The following ARHGAP8 variants were observed in gnomAD, a reference collection of about 807,000 sequenced individuals.
ARHGAP8 encodes rho GTPase-activating protein 8.
A neutral mutation model predicts 46.1 loss-of-function variants in ARHGAP8; 62 were observed. The observed-to-expected ratio is 1.34, with a 90% CI of 1.10 to 1.66. The LOEUF (loss-of-function observed/expected upper bound fraction) is 1.66. Ranked by LOEUF, ARHGAP8 falls within the 40% of genes most tolerant of loss-of-function variation. The probability of loss-of-function intolerance (pLI) is 0.00; values close to 1 mark genes in which losing one functional copy is unlikely to be tolerated. For missense variants in ARHGAP8, 923 were observed against 568.4 expected, an observed-to-expected ratio of 1.62 and a Z score of -6.34; for synonymous variants, 375 against 243.1, an observed-to-expected ratio of 1.54 and a Z score of -5.05.
At position 44,782,717 on chromosome 22, in the gene ARHGAP8, G is replaced by A. The variant is rs552881674; in HGVS notation, c.-71-3740G>A. Among the ~76,000 whole-genome samples, 7 of 152,288 alleles carry A rather than the reference G, an allele frequency of 4.6e-5. No homozygotes were observed. The East Asian group carries it at 5.8e-4, about 13-fold the overall frequency. ...TAATATTTCACCATATGGCTGGACC[G>A]CACGTGGCTTATCCATCCATCCACT... On this transcript the variant is annotated intron_variant, in intron 1 of 11. Coordinates refer to ENST00000356099, the MANE Select transcript of ARHGAP8 (RefSeq NM_181335.3).
At chr22:44,796,838 G>A (rs1232813578) in intron 2 of ARHGAP8, among the ~76,000 whole-genome samples, 1 of 152,210 alleles carries the variant, frequency 6.6e-6, no homozygotes, top group Non-Finnish European at 1.5e-5. Flanking sequence ...ATTATCAAAT[G>A]TGAAGGGATT....
chr22:44,806,271 T>C (rs1928913171), intron 3 of ARHGAP8, among the ~76,000 whole-genome samples: 2 of 152,210 alleles, frequency 1.3e-5, no homozygotes, highest in African/African-American at 4.8e-5. Flanking sequence ...TATGCCCCGG[T>C]GGCTTAGCCC....
chr22:44,826,513 C>T (rs113292322), intron 7 of ARHGAP8, among the ~76,000 whole-genome samples: 2,786 of 152,240 alleles, frequency 0.018, 43 homozygotes, highest in Middle Eastern at 0.048. Flanking sequence ...CAACCTCCGC[C>T]TCCTGGGTTC....
chr22:44,849,197 G>C, intron 10 of ARHGAP8, 137 bp downstream of exon 10: 1 of 1,488,920 alleles, frequency 6.7e-7, no homozygotes, highest in Non-Finnish European at 9.0e-7. Context: ...TGGCACTGCA[G>C]GGCAAGAGAG....
At chr22:44,847,578 G>C (rs136681) in intron 8 of ARHGAP8, among the ~76,000 whole-genome samples, 1 of 152,122 alleles carries the variant, frequency 6.6e-6, no homozygotes, top group Non-Finnish European at 1.5e-5. Flanking sequence ...GTGTCTGGAC[G>C]TCTCCCAGGT....
intron 7 of ARHGAP8, among the ~76,000 whole-genome samples, chr22:44,835,217 T>C (rs957438841): frequency 7.0e-6 from 1 of 142,534 alleles, no homozygotes; most frequent in African/African-American, 2.7e-5. Context: ...TGTTTCAATT[T>C]TTTGTTTCTT....
intron 7 of ARHGAP8, among the ~76,000 whole-genome samples, chr22:44,829,308 A>AG (rs1227177817): frequency 2.4e-4 from 36 of 151,826 alleles, no homozygotes; most frequent in African/African-American, 8.5e-4. Context: ...AAAAAAAAAA[A>AG]AGAAAAAGAA....
At chr22:44,796,636 G>C (rs1241110956) in intron 2 of ARHGAP8, among the ~76,000 whole-genome samples, 2 of 152,112 alleles carry the variant, frequency 1.3e-5, no homozygotes, top group Non-Finnish European at 2.9e-5. Flanking sequence ...AGTTGGTGAT[G>C]CTATGATGAT....
At chr22:44,796,184 C>T (rs546239588) in intron 2 of ARHGAP8, among the ~76,000 whole-genome samples, 11 of 152,298 alleles carry the variant, frequency 7.2e-5, no homozygotes, top group Admixed American at 3.9e-4. Context: ...CCAGAGCAGA[C>T]GCTGTTCTGC....
At chr22:44,848,103 C>T (rs945913726) in intron 9 of ARHGAP8, 53 bp downstream of exon 9, 13 of 1,594,230 alleles carry the variant, frequency 8.2e-6, no homozygotes, top group South Asian at 4.4e-5. Context: ...GCGAGCACAG[C>T]GCTCCGGGGC....
intron 1 of ARHGAP8, among the ~76,000 whole-genome samples, chr22:44,780,007 G>A (rs1045930231): frequency 3.3e-5 from 5 of 152,182 alleles, no homozygotes; most frequent in Admixed American, 2.6e-4. Flanking sequence ...CCCAGGCTGG[G>A]ACCCCAAGAG....
intron 4 of ARHGAP8, among the ~76,000 whole-genome samples, chr22:44,813,776 CATACACCT>C (rs1380395193): frequency 5.3e-5 from 7 of 132,862 alleles, no homozygotes; most frequent in Admixed American, 1.6e-4. Context: ...CTTACACCTA[CATACACCT>C]ACACACACAT....
intron 7 of ARHGAP8, among the ~76,000 whole-genome samples, chr22:44,842,838 G>C (rs1028422375): frequency 4.6e-5 from 7 of 152,312 alleles, no homozygotes; most frequent in African/African-American, 1.4e-4. Flanking sequence ...TCAGTGCAAA[G>C]GCTCACATCA....
intron 2 of ARHGAP8, among the ~76,000 whole-genome samples, chr22:44,792,275 G>C (rs2147060561): frequency 1.3e-5 from 2 of 152,250 alleles, no homozygotes; most frequent in Middle Eastern, 6.8e-3. Context: ...CTCCCAAAGT[G>C]CTGGGATTAC....
At chr22:44,830,062 C>T (rs1438053090) in intron 7 of ARHGAP8, among the ~76,000 whole-genome samples, 2 of 149,288 alleles carry the variant, frequency 1.3e-5, no homozygotes, top group Non-Finnish European at 3.0e-5. Context: ...CTCACTCTGT[C>T]GCCCAGGCTG....
chr22:44,860,851 G>C (rs3830114), intron 11 of ARHGAP8, among the ~76,000 whole-genome samples: 1 of 151,924 alleles, frequency 6.6e-6, no homozygotes, highest in South Asian at 2.1e-4. Flanking sequence ...CCAGGCCTTC[G>C]CCCCAGGCTG....
At chr22:44,839,282 A>G (rs1569172872) in intron 7 of ARHGAP8, among the ~76,000 whole-genome samples, 1 of 152,164 alleles carries the variant, frequency 6.6e-6, no homozygotes, top group Non-Finnish European at 1.5e-5. Flanking sequence ...GCCAGCCCTC[A>G]GGGCACCTCG....
intron 1 of ARHGAP8, among the ~76,000 whole-genome samples, chr22:44,763,739 C>T (rs1350997291): frequency 6.6e-6 from 1 of 150,744 alleles, no homozygotes; most frequent in African/African-American, 2.4e-5. Context: ...AAGGCAATTG[C>T]ACTTCCACCA....
intron 2 of ARHGAP8, among the ~76,000 whole-genome samples, chr22:44,801,000 C>T (rs1465317309): frequency 8.6e-5 from 3 of 34,838 alleles, no homozygotes; most frequent in Non-Finnish European, 1.6e-4. Context: ...CGCCTCTCCC[C>T]GCAGCTGTCC....
Sources: gnomAD v4.1 joint callset for allele counts (sites outside exome capture counted in the v4.1 genomes callset) on GRCh38, gnomAD v4.1.1 for gene constraint, MANE v1.5 for transcripts, NCBI Gene and HGNC (gene_info 2026-07-23, HGNC 2026-07-21) for gene names.